Variants in ARHGEF17 observed in about 807,000 individuals in gnomAD.
ARHGEF17 encodes 164 kDa Rho-specific guanine-nucleotide exchange factor.
In ARHGEF17, 80 loss-of-function variants were observed where a neutral mutation model predicts 174.0. The ratio of observed to expected loss-of-function variants is 0.46; its 90% CI spans 0.38 to 0.55. ARHGEF17 has a LOEUF of 0.55. Among genes scored for constraint, ARHGEF17 ranks in the 20% least tolerant of loss-of-function variants. ARHGEF17 has a pLI of 0.00. For synonymous variants in ARHGEF17, 1,311 were observed against 1,189.1 expected (o/e 1.10, Z -2.11); for missense variants, 2,886 against 2,839.7 (o/e 1.02, Z -0.37).
In ARHGEF17 at chr11:73,332,349, CCG is replaced by C. The variant is rs1491568918; in HGVS notation, c.3193-14533_3193-14532del. Among the ~76,000 whole-genome samples the C allele has an allele frequency of 2.0e-3, 226 of 114,346 alleles. 1 individual carries two copies. Among genetic ancestry groups the C allele is most frequent in the African/African-American group, 7.4e-3 (215 of 29,158 alleles). The allele number at this position is 114,346 out of a possible 152,430, so 75.0% of individuals were successfully genotyped here. A position where few individuals can be genotyped will look rare whatever the true frequency, so the allele number is the denominator to read the frequency against. On this transcript the variant is annotated intron_variant, in intron 1 of 20. Transcript: ENST00000263674. ...GTATATTTCCCTCCAGGCTTTTTCTCCGTGTGTGTGTGTGTGTGTGTGTGTGT... is the reference window on the plus strand; with the variant it reads ...GTATATTTCCCTCCAGGCTTTTTCTCTGTGTGTGTGTGTGTGTGTGTGTGT...
chr11:73,364,450 A>C lies in ARHGEF17; in HGVS notation c.5402-2A>C. On this transcript the variant is annotated splice_acceptor_variant, in intron 17 of 20. Transcript: ENST00000263674. LOFTEE classifies it high-confidence loss of function. ...TTTCCTGTTTTCTTTACCCCACTCC[A>C]GGCCATTTCTGGGACCCCCAGAACT... is the stretch of plus-strand genomic sequence containing the variant. 6.2e-7 allele frequency: 1 copy of C among 1,613,370 alleles called. No individual in the cohort carries two copies. The highest frequency in any genetic ancestry group is 8.5e-7 in the Non-Finnish European group (1 of 1,179,960).
intron 1 of ARHGEF17, among the ~76,000 whole-genome samples, chr11:73,313,855 C>G (rs1368869630): frequency 6.6e-6 from 1 of 152,246 alleles, no homozygotes; most frequent in African/African-American, 2.4e-5. Flanking sequence ...GCCTGGCAGG[C>G]TGTCTCTTGT....
At position 73,308,971 on chromosome 11, in the gene ARHGEF17, G is replaced by A. The variant is rs1307156421; in HGVS notation, c.333G>A (p.Ala111=). Residue 111 remains alanine (A), a synonymous_variant, in exon 1 of 21, where the codon GCG becomes GCA. Transcript: ENST00000263674. ...TRDGGVLPAA[A]EEAAEGPARG... ...ACGGAGGCGTCTTACCCGCGGCCGC[G>A]GAAGAAGCGGCCGAGGGCCCAGCGC... 1 of 1,363,072 alleles carries A rather than the reference G, an allele frequency of 7.3e-7. No homozygotes were observed. The highest frequency in any genetic ancestry group is 9.4e-7 in the Non-Finnish European group (1 of 1,062,994). The allele number at this position is 1,363,072 out of a possible 1,614,324, so 84.4% of individuals were successfully genotyped here. A position where few individuals can be genotyped will look rare whatever the true frequency, so the allele number is the denominator to read the frequency against.
chr11:73,310,576 A>G lies in ARHGEF17; in HGVS notation c.1938A>G (p.Glu646=). 1.2e-6 allele frequency: 2 copies of G among 1,614,110 alleles called. No individual in the cohort carries two copies. The highest frequency in any genetic ancestry group is 1.7e-6 in the Non-Finnish European group (2 of 1,180,010). Residue 646 remains glutamate, a synonymous_variant, in exon 1 of 21, where the codon GAA becomes GAG. Coordinates refer to ENST00000263674, the MANE Select transcript of ARHGEF17 (RefSeq NM_014786.4). Reference sequence around the variant, plus strand: ...GCCCTGAGTCCAGTCTGACAGATGAAGGCATTGGGGCAGACCCTGAGCCTC... The same window carrying G: ...GCCCTGAGTCCAGTCTGACAGATGAGGGCATTGGGGCAGACCCTGAGCCTC... ...LSGPESSLTD[E]GIGADPEPPV...
chr11:73,344,067 T>C (rs1403253170), intron 1 of ARHGEF17, among the ~76,000 whole-genome samples: 1 of 152,174 alleles, frequency 6.6e-6, no homozygotes, highest in East Asian at 1.9e-4. Context: ...GCCCCCTCTG[T>C]CTTCCTGCTG....
rs1454566449 is a variant in ARHGEF17, at chr11:73,310,555, T to C, written c.1917T>C (p.Pro639=). ...GQRSQEELSG[P]ESSLTDEGIG... The stretch of plus-strand genomic sequence containing the variant: ...GGTCCCAGGAGGAGCTCTCAGGCCC[T>C]GAGTCCAGTCTGACAGATGAAGGCA... The change falls in exon 1 of 21, where the codon CCT becomes CCC. Residue 639 remains proline, a synonymous_variant. Coordinates refer to ENST00000263674, the MANE Select transcript of ARHGEF17 (RefSeq NM_014786.4). 1.9e-6 allele frequency: 3 copies of C among 1,613,968 alleles called. No individual in the cohort carries two copies. The highest frequency in any genetic ancestry group is 8.5e-7 in the Non-Finnish European group (1 of 1,180,034).
chr11:73,359,012 G>A (rs959745478), intron 9 of ARHGEF17, among the ~76,000 whole-genome samples: 3 of 152,106 alleles, frequency 2.0e-5, no homozygotes, highest in Non-Finnish European at 4.4e-5. Flanking sequence ...TCACCCCCAC[G>A]GGGTTCTTGG....
intron 11 of ARHGEF17, 73 bp from the exon 12 acceptor site, chr11:73,361,015 G>A: frequency 7.7e-7 from 1 of 1,294,802 alleles, no homozygotes; most frequent in East Asian, 2.3e-5. Flanking sequence ...AGGGGAATGG[G>A]GCAGGGGCAG....
chr11:73,348,840 A>G (rs1027695310), intron 2 of ARHGEF17, among the ~76,000 whole-genome samples: 1 of 152,194 alleles, frequency 6.6e-6, no homozygotes, highest in African/African-American at 2.4e-5. Context: ...ATGAGAACAC[A>G]GAAGGGGGCC....
chr11:73,311,748 C>G lies in ARHGEF17; in HGVS notation c.3110C>G (p.Ser1037Cys), dbSNP rs111843143. ...TGCTTGCCTCTGGCTGCACCGCCCT[C>G]TGCTGAGGCCAAGCCCCCTGAGGCA... The part of the protein sequence containing the change: ...MPCLPLAAPP[S>C]AEAKPPEAAR... Residue 1037 changes from serine to cysteine, a missense_variant, in exon 1 of 21, where the codon TCT becomes TGT. Ser to Cys is a moderately radical substitution (Grantham distance 112, BLOSUM62 -1). This residue lies in a region of ARHGEF17 where 1,728 missense variants were observed against 1,461.2 expected (regional missense o/e 1.18). Coordinates refer to ENST00000263674, the MANE Select transcript of ARHGEF17 (RefSeq NM_014786.4). 1 of 1,613,164 alleles carries G rather than the reference C, an allele frequency of 6.2e-7. No individual in the cohort carries two copies. The highest frequency in any genetic ancestry group is 2.2e-5 in the East Asian group (1 of 44,890).
chr11:73,321,331 G>A (rs117357095), intron 1 of ARHGEF17, among the ~76,000 whole-genome samples: 4,075 of 152,328 alleles, frequency 0.027, 81 homozygotes, highest in Non-Finnish European at 0.042. Context: ...CAGCCCACAC[G>A]GGGAGGAGAG....
At position 73,364,523 on chromosome 11, in the gene ARHGEF17, G is replaced by T. The variant is rs1865804838; in HGVS notation, c.5473G>T (p.Val1825Leu). 6.2e-7 allele frequency: 1 copy of T among 1,613,744 alleles called. No individual in the cohort carries two copies. Among genetic ancestry groups the T allele is most frequent in the Non-Finnish European group, 8.5e-7 (1 of 1,179,976 alleles). Residue 1825 changes from valine (V) to leucine (L), a missense_variant, in exon 18 of 21, where the codon GTA becomes TTA. Physicochemically the swap from Val to Leu is conservative, Grantham distance 32 (BLOSUM62 1). Coordinates refer to ENST00000263674, the MANE Select transcript of ARHGEF17 (RefSeq NM_014786.4). ...GTQGSPITKM[V>L]SVGGRLWCGC... ...CCAGGGGAGCCCCATCACCAAGATG[G>T]TATCTGTGGGTGGGCGGCTGTGGTG...
chr11:73,310,799 G>A lies in ARHGEF17; in HGVS notation c.2161G>A (p.Glu721Lys), dbSNP rs769100884. 4.3e-6 allele frequency: 7 copies of A among 1,612,156 alleles called. No individual in the cohort carries two copies. Among genetic ancestry groups the A allele is most frequent in the Non-Finnish European group, 4.2e-6 (5 of 1,179,660 alleles). The stretch of plus-strand genomic sequence containing the variant: ...CCCACCTTCAGGTTCTGGTGGGAGC[G>A]AATTGAGCAATGGGGAGGCAGGGGA... ...KVPPSGSGGS[E>K]LSNGEAGEAY... Residue 721 changes from glutamate to lysine, a missense_variant, in exon 1 of 21, where the codon GAA becomes AAA. Transcript: ENST00000263674.
intron 9 of ARHGEF17, among the ~76,000 whole-genome samples, chr11:73,357,623 G>A (rs542013330): frequency 6.6e-6 from 1 of 152,364 alleles, no homozygotes; most frequent in South Asian, 2.1e-4. Context: ...TGATTCATCT[G>A]TGCAAAATCA....
chr11:73,354,493 A>G (rs1046398008), intron 3 of ARHGEF17, among the ~76,000 whole-genome samples: 6 of 152,188 alleles, frequency 3.9e-5, no homozygotes, highest in African/African-American at 1.4e-4. Flanking sequence ...AGGCAGGCAG[A>G]TCATGAGGTC....
At chr11:73,352,737 G>A in intron 2 of ARHGEF17, 93 bp from the exon 3 acceptor site, 2 of 1,431,756 alleles carry the variant, frequency 1.4e-6, no homozygotes, top group South Asian at 1.2e-5. Context: ...GCAGGCCCGG[G>A]TGATTCTGTG....
At chr11:73,356,000 G>A (rs746549031) in intron 5 of ARHGEF17, 47 bp downstream of exon 5, 3 of 1,610,430 alleles carry the variant, frequency 1.9e-6, no homozygotes, top group Middle Eastern at 1.7e-4. Context: ...TGGAAGCATG[G>A]GGGGATACAA....
At chr11:73,315,879 T>C (rs1413767731) in intron 1 of ARHGEF17, among the ~76,000 whole-genome samples, 1 of 152,172 alleles carries the variant, frequency 6.6e-6, no homozygotes, top group Non-Finnish European at 1.5e-5. Flanking sequence ...AGGCTGCTGC[T>C]AATCCTGTCC....
At position 73,308,907 on chromosome 11, in the gene ARHGEF17, A is replaced by G. The variant is rs1446796685; in HGVS notation, c.269A>G (p.Asp90Gly). Residue 90 changes from aspartate (D) to glycine (G), a missense_variant, in exon 1 of 21, where the codon GAC becomes GGC. Transcript: ENST00000263674. ...GTTCGCCAGCTCTCCCGGCGCTTCG[A>G]CGCGCCGCGTCTGGACGACGGCTCC... is the stretch of plus-strand genomic sequence containing the variant. ...PSVRQLSRRFDAPRLDDGSAG... is the reference protein window; with the variant it reads ...PSVRQLSRRFGAPRLDDGSAG... The G allele has an allele frequency of 4.4e-6, 6 of 1,361,742 alleles. No homozygotes were observed. In the East Asian group the frequency reaches 1.9e-4, roughly 42 times the overall value. The allele number at this position is 1,361,742 out of a possible 1,614,324, so 84.4% of individuals were successfully genotyped here.
Sources: allele counts gnomAD v4.1 joint callset (sites outside exome capture counted in the v4.1 genomes callset), GRCh38; gene constraint gnomAD v4.1.1; regional missense constraint gnomAD v4.1.1; transcripts MANE v1.5; gene names NCBI Gene and HGNC (gene_info 2026-07-23, HGNC 2026-07-21).